Variants in CD82 observed in about 807,000 individuals in gnomAD.
CD82 encodes CD82 molecule.
A neutral mutation model predicts 37.4 loss-of-function variants in CD82; 36 were observed. That is an observed-to-expected ratio of 0.96 (90% CI 0.74 to 1.27). The LOEUF is 1.27. Ranked by LOEUF, CD82 falls within the 50% of genes most tolerant of loss-of-function variation. The pLI, the probability that CD82 is intolerant of heterozygous loss-of-function variation, is 0.00. For synonymous variants in CD82, 158 were observed against 137.4 expected, an observed-to-expected ratio of 1.15 and a Z score of -1.05; for missense variants, 340 against 347.0, an observed-to-expected ratio of 0.98 and a Z score of 0.16.
intron 1 of CD82, chr11:44,585,325 C>T: frequency 2.2e-6 from 1 of 456,284 alleles, no homozygotes. Flanking sequence ...TTACTGGGTG[C>T]CAGGAACTTT....
At position 44,619,119 on chromosome 11, in the gene CD82, A is replaced by G. The variant is rs1853617599; in HGVS notation, c.797A>G (p.Lys266Arg). ...VHSEDYSKVP[K>R]Y ...TCCGAAGACTACAGCAAGGTCCCCAAGTACTGAGGCAGCTGCTATCCCCAT... is the reference window on the plus strand; with the variant it reads ...TCCGAAGACTACAGCAAGGTCCCCAGGTACTGAGGCAGCTGCTATCCCCAT... Residue 266 changes from lysine to arginine, a missense_variant, in exon 10 of 10, where the codon AAG (lysine) becomes AGG (arginine). Transcript: ENST00000227155. 1.2e-6 allele frequency: 2 copies of G among 1,613,224 alleles called. No individual in the cohort carries two copies. The highest frequency in any genetic ancestry group is 2.2e-5 in the South Asian group (2 of 91,042).
intron 6 of CD82, among the ~76,000 whole-genome samples, chr11:44,608,499 A>G (rs3781753): frequency 0.65 from 99,558 of 152,034 alleles, 33,413 homozygotes; most frequent in East Asian, 0.87. Context: ...AAAATGCAGA[A>G]TGGTGTCCAA....
At position 44,619,165 on chromosome 11, in the gene CD82, C is replaced by T. The variant is rs1363631827; in HGVS notation, c.*39C>T. ...CCCATCTCCCTGCCTGGCCCCCAACCTCAGGGCTCCCAGGGGTCTCCCTGG... is the reference window on the plus strand; with the variant it reads ...CCCATCTCCCTGCCTGGCCCCCAACTTCAGGGCTCCCAGGGGTCTCCCTGG... On this transcript the variant is annotated 3_prime_UTR_variant, in exon 10 of 10. Transcript: ENST00000227155. 2.3e-5 allele frequency: 35 copies of T among 1,536,536 alleles called. No individual in the cohort carries two copies. In the East Asian group the frequency reaches 7.9e-4, roughly 35 times the overall value.
intron 1 of CD82, chr11:44,587,099 G>T (rs1192968551): frequency 3.5e-6 from 1 of 284,732 alleles, no homozygotes; most frequent in African/African-American, 2.2e-5. Flanking sequence ...CCTGGGCATG[G>T]CCTATGTTGA....
At chr11:44,600,350 C>CGCCACATCCCTG in intron 4 of CD82, 120 bp downstream of exon 4, 2 of 932,820 alleles carry the variant, frequency 2.1e-6, no homozygotes, top group African/African-American at 1.6e-5. Context: ...CCGCTGACCT[C>CGCCACATCCCTG]AGGGATGTGG....
At chr11:44,595,157 G>A (rs938016727) in intron 3 of CD82, among the ~76,000 whole-genome samples, 3 of 152,164 alleles carry the variant, frequency 2.0e-5, no homozygotes, top group Non-Finnish European at 2.9e-5. Flanking sequence ...TCACACCCCC[G>A]TCCCTGTCGT....
chr11:44,605,173 G>A lies in CD82; in HGVS notation c.252G>A (p.Leu84=). The A allele has an allele frequency of 6.2e-7, 1 of 1,613,986 alleles. No individual in the cohort carries two copies. The highest frequency in any genetic ancestry group is 8.5e-7 in the Non-Finnish European group (1 of 1,179,984). Residue 84 remains leucine (L), a synonymous_variant, in exon 5 of 10, where the codon CTG becomes CTA. Transcript: ENST00000227155. The part of the protein sequence containing the change: ...CIGAVNEVRC[L]LGLYFAFLLL... ...GCGCCGTCAACGAGGTCCGCTGCCT[G>A]CTGGGGCTGGTGAGTACGGATCCCT...
intron 2 of CD82, among the ~76,000 whole-genome samples, chr11:44,588,147 C>T (rs1853085889): frequency 6.6e-6 from 1 of 152,074 alleles, no homozygotes; most frequent in Non-Finnish European, 1.5e-5. Flanking sequence ...CACAGCAGAC[C>T]ATGTGGCAGG....
At position 44,618,173 on chromosome 11, in the gene CD82, C is replaced by A. The variant is rs150371864; in HGVS notation, c.450C>A (p.Cys150Ter). The A allele has an allele frequency of 6.2e-7, 1 of 1,613,840 alleles. No homozygotes were observed. Among genetic ancestry groups the A allele is most frequent in the African/African-American group, 1.3e-5 (1 of 75,038 alleles). ...WDYVQAQVKCCGWVSFYNWTD... is the reference protein window; with the variant it reads ...WDYVQAQVKC ...CCTGCCTTGCCCAGGTGAAGTGCTG[C>A]GGCTGGGTCAGCTTCTACAACTGGA... Residue 150 changes from cysteine to a stop codon, truncating the protein, a stop_gained, in exon 8 of 10, where the codon TGC becomes TGA. Coordinates refer to ENST00000227155, the MANE Select transcript of CD82 (RefSeq NM_002231.4). LOFTEE classifies it high-confidence loss of function.
chr11:44,611,027 G>T (rs773171863), intron 6 of CD82, among the ~76,000 whole-genome samples: 18 of 152,084 alleles, frequency 1.2e-4, no homozygotes, highest in Non-Finnish European at 2.1e-4. Context: ...TAGAGATGGG[G>T]TTTCACCATG....
chr11:44,615,332 G>C lies in CD82; in HGVS notation c.397G>C (p.Glu133Gln). 4 of 1,613,808 alleles carry C rather than the reference G, an allele frequency of 2.5e-6. No individual in the cohort carries two copies. The highest frequency in any genetic ancestry group is 3.4e-6 in the Non-Finnish European group (4 of 1,179,710). ...ELIRDYNSSR[E>Q]DSLQDAWDYV... is the part of the protein sequence containing the mutation. ...CATTCGAGACTACAACAGCAGTCGC[G>C]AGGACAGCCTGCAGGATGCCTGGGA... Residue 133 changes from glutamate (E) to glutamine (Q), a missense_variant, in exon 7 of 10, where the codon GAG becomes CAG. By Grantham distance (29) the Glu-to-Gln change is conservative. Transcript: ENST00000227155.
chr11:44,609,889 G>A (rs886734920), intron 6 of CD82, among the ~76,000 whole-genome samples: 4 of 152,176 alleles, frequency 2.6e-5, no homozygotes, highest in East Asian at 1.9e-4. Flanking sequence ...TGAAGCACAC[G>A]CTGGTCACTG....
chr11:44,615,977 G>T (rs911957118), intron 7 of CD82, among the ~76,000 whole-genome samples: 4 of 152,146 alleles, frequency 2.6e-5, no homozygotes, highest in East Asian at 3.9e-4. Flanking sequence ...GACTGACCAG[G>T]TTCCCAGCCT....
chr11:44,618,175 G>T lies in CD82; in HGVS notation c.452G>T (p.Gly151Val), dbSNP rs1172527080. Residue 151 changes from glycine to valine, a missense_variant, in exon 8 of 10, where the codon GGC becomes GTC. Transcript: ENST00000227155. ...TGCCTTGCCCAGGTGAAGTGCTGCG[G>T]CTGGGTCAGCTTCTACAACTGGACA... ...DYVQAQVKCC[G>V]WVSFYNWTDN... The T allele has an allele frequency of 7.4e-6, 12 of 1,613,994 alleles. No individual in the cohort carries two copies. Among genetic ancestry groups the T allele is most frequent in the Non-Finnish European group, 1.0e-5 (12 of 1,179,992 alleles).
intron 8 of CD82, 49 bp from the exon 9 acceptor site, chr11:44,618,591 G>A: frequency 1.4e-6 from 2 of 1,473,744 alleles, no homozygotes. Context: ...TGCATGGCGG[G>A]GTGGGATGGT....
chr11:44,584,406 C>T (rs1167891898), intron 1 of CD82, among the ~76,000 whole-genome samples: 1 of 152,168 alleles, frequency 6.6e-6, no homozygotes. Flanking sequence ...CCTGCCTTAG[C>T]CTCCTGGGTA....
chr11:44,577,419 C>T (rs981590695), intron 1 of CD82, among the ~76,000 whole-genome samples: 5 of 152,146 alleles, frequency 3.3e-5, no homozygotes, highest in South Asian at 2.1e-4. Flanking sequence ...CTGGCCAAGC[C>T]GACTCAACTC....
intron 2 of CD82, among the ~76,000 whole-genome samples, chr11:44,590,909 G>C (rs530944613): frequency 2.6e-5 from 4 of 152,208 alleles, no homozygotes; most frequent in Non-Finnish European, 4.4e-5. Flanking sequence ...GTGTGTCCCC[G>C]CCTCAGGCTG....
At chr11:44,595,863 A>G (rs1853215489) in intron 3 of CD82, among the ~76,000 whole-genome samples, 2 of 132,736 alleles carry the variant, frequency 1.5e-5, no homozygotes. Flanking sequence ...TGAGTCCAGG[A>G]GTTCTAGACC....
Sources: allele counts gnomAD v4.1 joint callset (sites outside exome capture counted in the v4.1 genomes callset), GRCh38; gene constraint gnomAD v4.1.1; transcripts MANE v1.5; gene names NCBI Gene and HGNC (gene_info 2026-07-23, HGNC 2026-07-21).